The following PGM2 variants were observed in gnomAD, a reference collection of about 807,000 sequenced individuals.
The protein encoded by PGM2 is phosphopentomutase.
A neutral mutation model predicts 74.6 loss-of-function variants in PGM2; 57 were observed. The observed-to-expected ratio is 0.76, with a 90% CI of 0.62 to 0.95. The LOEUF (loss-of-function observed/expected upper bound fraction) is 0.95. Ranked by LOEUF, PGM2 falls within the 40% of genes least tolerant of loss-of-function variation. The probability of loss-of-function intolerance (pLI) is 0.00; values close to 1 mark genes in which losing one functional copy is unlikely to be tolerated. For synonymous variants in PGM2, 273 were observed against 260.7 expected, an observed-to-expected ratio of 1.05 and a Z score of -0.46; for missense variants, 706 against 741.9, an observed-to-expected ratio of 0.95 and a Z score of 0.56.
At chr4:37,851,665 T>C (rs6820384) in intron 12 of PGM2, among the ~76,000 whole-genome samples, 80,787 of 151,948 alleles carry the variant, frequency 0.53, 22,133 homozygotes, top group Non-Finnish European at 0.61. Context: ...CATTGCCATG[T>C]CACCAAGACT....
rs114624866 is a variant in PGM2, at chr4:37,848,404, G to A, written c.1283-118G>A. ...AAATTCCTAAACATAAGGTATTAATGAGAAATGTGCATACACGCAACACTG... is the reference window on the plus strand; with the variant it reads ...AAATTCCTAAACATAAGGTATTAATAAGAAATGTGCATACACGCAACACTG... On this transcript the variant is annotated intron_variant, in intron 10 of 13. Transcript: ENST00000381967. 4.9e-4 allele frequency: 402 copies of A among 812,484 alleles called. 2 individuals carry two copies. The African/African-American group carries it at 6.4e-3, about 13-fold the overall frequency. The allele number at this position is 812,484 out of a possible 1,614,324, so 50.3% of individuals were successfully genotyped here.
Position 37,850,190 on chromosome 4 carries a change from C to G in PGM2, c.1419C>G (p.Gly473=). The G allele has an allele frequency of 1.9e-6, 3 of 1,547,330 alleles. No individual in the cohort carries two copies. The highest frequency in any genetic ancestry group is 2.6e-6 in the Non-Finnish European group (3 of 1,142,688). The change falls in exon 12 of 14, where the codon GGC becomes GGG. Residue 473 remains glycine, a synonymous_variant. Transcript: ENST00000381967. ...ATTTGTATTTGTTTGATAGGTATGG[C>G]TACCATATTACTAAAGCTTCCTATT... ...QQLKAIYVEY[G]YHITKASYFI... is the part of the protein sequence containing the mutation.
chr4:37,848,606 C>T lies in PGM2; in HGVS notation c.1367C>T (p.Thr456Ile). Residue 456 changes from threonine (T) to isoleucine (I), a missense_variant, in exon 11 of 14, where the codon ACC becomes ATC. Physicochemically the swap from Thr to Ile is moderately conservative, Grantham distance 89 (BLOSUM62 -1). This residue lies in a region of PGM2 where 359 missense variants were observed against 371.1 expected (regional missense o/e 0.97). Transcript: ENST00000381967. ...GCAGAGTTGGCTAGCTTCCTAGCAACCAAGAATTTGTCTTTGTCTCAGCAA... is the reference window on the plus strand; with the variant it reads ...GCAGAGTTGGCTAGCTTCCTAGCAATCAAGAATTTGTCTTTGTCTCAGCAA... ...ISAELASFLA[T>I]KNLSLSQQLK... The T allele has an allele frequency of 6.2e-7, 1 of 1,613,760 alleles. No homozygotes were observed. The highest frequency in any genetic ancestry group is 1.3e-5 in the African/African-American group (1 of 75,016).
chr4:37,833,790 T>C (rs1176558906), intron 2 of PGM2, among the ~76,000 whole-genome samples: 1 of 152,164 alleles, frequency 6.6e-6, no homozygotes, highest in African/African-American at 2.4e-5. Context: ...TTACTCCTTA[T>C]GAGGTAGGTA....
At chr4:37,830,916 A>G (rs891923585) in intron 2 of PGM2, among the ~76,000 whole-genome samples, 4 of 152,162 alleles carry the variant, frequency 2.6e-5, no homozygotes, top group African/African-American at 9.7e-5. Flanking sequence ...CACAGGGGCC[A>G]GGCGCGATGG....
rs1055140547 is a variant in PGM2, at chr4:37,840,312, A to G, written c.719+53A>G. On this transcript the variant is annotated intron_variant, in intron 6 of 13. Transcript: ENST00000381967. Reference sequence around the variant, plus strand: ...TAAGTGAGTTAATGTGATTCAGCCAAATTCTATTAGTGTTTGTGAAGTTTT... The same window carrying G: ...TAAGTGAGTTAATGTGATTCAGCCAGATTCTATTAGTGTTTGTGAAGTTTT... The G allele has an allele frequency of 3.0e-5, 31 of 1,046,828 alleles. No individual in the cohort carries two copies. In the African/African-American group the frequency reaches 3.3e-4, roughly 11 times the overall value. The allele number at this position is 1,046,828 out of a possible 1,614,324, so 64.8% of individuals were successfully genotyped here. A position where few individuals can be genotyped will look rare whatever the true frequency, so the allele number is the denominator to read the frequency against.
chr4:37,858,697 ATAT>A (rs2152182605), intron 13 of PGM2, among the ~76,000 whole-genome samples: 1 of 152,166 alleles, frequency 6.6e-6, no homozygotes, highest in South Asian at 2.1e-4. Context: ...AAAAGCTTAA[ATAT>A]TATTAATATG....
rs114326618 is a variant in PGM2 at position 37,829,982 on chromosome 4, G to A, written c.100G>A (p.Ala34Thr). ...TTTTCAGAATTCCTTAACTTTGGAG[G>A]CAGTGAAACGACTAATAGCAGAAGG... is the stretch of plus-strand genomic sequence containing the variant. ...RWDKNSLTLE[A>T]VKRLIAEGNK... is the part of the protein sequence containing the mutation. The change falls in exon 2 of 14, where the codon GCA becomes ACA. Residue 34 changes from alanine to threonine, a missense_variant. Transcript: ENST00000381967. 8.4e-4 allele frequency: 1,339 copies of A among 1,599,694 alleles called. 9 individuals carry two copies. In the African/African-American group the frequency reaches 0.016, roughly 19 times the overall value.
intron 1 of PGM2, among the ~76,000 whole-genome samples, chr4:37,828,538 C>G (rs754198022): frequency 1.3e-5 from 2 of 152,172 alleles, no homozygotes; most frequent in African/African-American, 4.8e-5. Flanking sequence ...TGTCTTTCCA[C>G]CGTGCCTTCA....
intron 8 of PGM2, among the ~76,000 whole-genome samples, chr4:37,846,576 T>C (rs1234568900): frequency 6.6e-6 from 1 of 152,220 alleles, no homozygotes; most frequent in Non-Finnish European, 1.5e-5. Flanking sequence ...TAGCAAAACT[T>C]ACTCTATATA....
At chr4:37,842,631 G>C (rs761584372) in intron 6 of PGM2, among the ~76,000 whole-genome samples, 1 of 149,062 alleles carries the variant, frequency 6.7e-6, no homozygotes, top group African/African-American at 2.5e-5. Context: ...TTATATATCA[G>C]ATAACTGCTG....
intron 2 of PGM2, among the ~76,000 whole-genome samples, chr4:37,832,044 C>T (rs1725455355): frequency 6.6e-6 from 1 of 152,038 alleles, no homozygotes; most frequent in Non-Finnish European, 1.5e-5. Flanking sequence ...ACTATCTTAC[C>T]CATTTTTATC....
intron 10 of PGM2, 192 bp downstream of exon 10, chr4:37,847,487 CTAAG>C: frequency 1.8e-6 from 1 of 545,018 alleles, no homozygotes; most frequent in Non-Finnish European, 3.3e-6. Flanking sequence ...TTAAAAACAA[CTAAG>C]TCATTCATGT....
In PGM2 at chr4:37,848,671, G is replaced by A; in HGVS notation, c.1412+20G>A. 1.3e-6 allele frequency: 2 copies of A among 1,572,956 alleles called. No individual in the cohort carries two copies. The highest frequency in any genetic ancestry group is 1.7e-6 in the Non-Finnish European group (2 of 1,148,938). On this transcript the variant is annotated intron_variant, in intron 11 of 13. Coordinates refer to ENST00000381967, the MANE Select transcript of PGM2 (RefSeq NM_018290.4). ...TGTGGAGTAAGTTGTTATTGACTCT[G>A]TTGGATTGAAATAATATTTTGAAAT...
intron 7 of PGM2, 67 bp from the exon 8 acceptor site, chr4:37,845,566 G>T: frequency 9.0e-7 from 1 of 1,106,746 alleles, no homozygotes; most frequent in South Asian, 1.3e-5. Context: ...GGAACTGAAT[G>T]TTTTTAAAGA....
chr4:37,837,411 C>T, intron 3 of PGM2, 118 bp from the exon 4 acceptor site: 1 of 750,342 alleles, frequency 1.3e-6, no homozygotes, highest in East Asian at 2.4e-5. Flanking sequence ...AAATGCTGTC[C>T]TTGATCTGGA....
chr4:37,842,885 A>G (rs1198447982), intron 6 of PGM2, among the ~76,000 whole-genome samples: 1 of 152,062 alleles, frequency 6.6e-6, no homozygotes, highest in Admixed American at 6.6e-5. Context: ...CTGGTCTCGT[A>G]TTCCTGAGCT....
intron 13 of PGM2, among the ~76,000 whole-genome samples, chr4:37,856,384 C>A (rs887640397): frequency 6.6e-6 from 1 of 151,676 alleles, no homozygotes; most frequent in Non-Finnish European, 1.5e-5. Context: ...GACTCCATCT[C>A]AAAAAAATAA....
At chr4:37,859,153 T>C (rs181763612) in intron 13 of PGM2, among the ~76,000 whole-genome samples, 2 of 152,272 alleles carry the variant, frequency 1.3e-5, no homozygotes, top group African/African-American at 4.8e-5. Flanking sequence ...ACCATATATG[T>C]TATGTATTTG....
Sources: allele counts gnomAD v4.1 joint callset (sites outside exome capture counted in the v4.1 genomes callset), GRCh38; gene constraint gnomAD v4.1.1; regional missense constraint gnomAD v4.1.1; transcripts MANE v1.5; gene names NCBI Gene and HGNC (gene_info 2026-07-23, HGNC 2026-07-21).